Variants in ANKS1B observed in about 807,000 individuals in gnomAD.
ANKS1B encodes ankyrin repeat and sterile alpha motif domain containing 1B.
Under a neutral mutation model 148.3 loss-of-function variants are expected in ANKS1B, and 36 were observed. That is an observed-to-expected ratio of 0.24 (90% CI 0.19 to 0.32). The LOEUF (loss-of-function observed/expected upper bound fraction) is 0.32, where lower values mean the gene tolerates loss of function less well. ANKS1B is among the 10% of genes least tolerant of loss of function. The probability of loss-of-function intolerance (pLI) is 1.00; values close to 1 mark genes in which losing one functional copy is unlikely to be tolerated. For missense variants in ANKS1B, 1,157 were observed against 1,542.6 expected (o/e 0.75, Z 4.19); for synonymous variants, 542 against 560.8 (o/e 0.97, Z 0.47).
At chr12:99,305,911 T>C (rs765055891) in intron 12 of ANKS1B, among the ~76,000 whole-genome samples, 1 of 152,158 alleles carries the variant, frequency 6.6e-6, no homozygotes, top group Non-Finnish European at 1.5e-5. Flanking sequence ...CCTACATAAA[T>C]GGTAAAATGT....
intron 9 of ANKS1B, among the ~76,000 whole-genome samples, chr12:99,607,812 A>T (rs1382545438): frequency 6.6e-6 from 1 of 152,086 alleles, no homozygotes; most frequent in African/African-American, 2.4e-5. Flanking sequence ...AGGATAGGAA[A>T]TTTACATCTC....
chr12:99,635,020 C>G (rs1209624185), intron 9 of ANKS1B, among the ~76,000 whole-genome samples: 2 of 152,136 alleles, frequency 1.3e-5, no homozygotes, highest in Non-Finnish European at 2.9e-5. Flanking sequence ...TGCCCAACAT[C>G]ACTAATCATT....
intron 17 of ANKS1B, among the ~76,000 whole-genome samples, chr12:98,986,877 C>T (rs756119621): frequency 6.6e-5 from 10 of 152,090 alleles, no homozygotes; most frequent in Non-Finnish European, 1.0e-4. Flanking sequence ...CCTTGGCCTC[C>T]GAAAGTGCTT....
intron 9 of ANKS1B, among the ~76,000 whole-genome samples, chr12:99,595,877 A>G (rs902316444): frequency 6.6e-6 from 1 of 151,940 alleles, no homozygotes. Context: ...CCAACTTTTG[A>G]AATTACAACC....
chr12:99,234,390 A>G (rs1426571037), intron 14 of ANKS1B, among the ~76,000 whole-genome samples: 3 of 152,084 alleles, frequency 2.0e-5, no homozygotes, highest in Non-Finnish European at 4.4e-5. Context: ...TCTGGTACCA[A>G]TTGACTGGTG....
chr12:99,481,085 G>T (rs942473855), intron 10 of ANKS1B, among the ~76,000 whole-genome samples: 1 of 151,388 alleles, frequency 6.6e-6, no homozygotes, highest in Non-Finnish European at 1.5e-5. Flanking sequence ...TTACACGCAT[G>T]AATTATATAG....
chr12:99,795,387 A>ATC (rs772720836), intron 4 of ANKS1B, among the ~76,000 whole-genome samples: 3 of 152,092 alleles, frequency 2.0e-5, no homozygotes, highest in South Asian at 2.1e-4. Flanking sequence ...GAGAAAAAAA[A>ATC]TCTATCAACC....
At chr12:99,075,299 C>T (rs1394217684) in intron 16 of ANKS1B, among the ~76,000 whole-genome samples, 4 of 152,120 alleles carry the variant, frequency 2.6e-5, no homozygotes, top group Non-Finnish European at 5.9e-5. Context: ...TCCTCTCTAC[C>T]CTGCTGTCAT....
chr12:99,760,221 A>T (rs1454084340), intron 8 of ANKS1B, among the ~76,000 whole-genome samples: 1 of 151,854 alleles, frequency 6.6e-6, no homozygotes, highest in Non-Finnish European at 1.5e-5. Flanking sequence ...GATGTCATCA[A>T]CCACCAAATA....
At chr12:99,827,730 AG>A (rs1279220351) in intron 1 of ANKS1B, among the ~76,000 whole-genome samples, 1 of 152,216 alleles carries the variant, frequency 6.6e-6, no homozygotes, top group African/African-American at 2.4e-5. Flanking sequence ...ATCTTTAAAA[AG>A]GCTTCACAAA....
chr12:98,894,807 C>A (rs1470118639), intron 17 of ANKS1B: 32 of 984,044 alleles, frequency 3.3e-5, no homozygotes, highest in Non-Finnish European at 3.9e-5. Context: ...CGAGGAAGGG[C>A]GGGAGAGGCG....
chr12:99,092,241 G>A (rs2153649641), intron 15 of ANKS1B, among the ~76,000 whole-genome samples: 1 of 152,244 alleles, frequency 6.6e-6, no homozygotes, highest in East Asian at 1.9e-4. Context: ...CCCCAGAGAG[G>A]TAGGGAGGAT....
At chr12:99,801,388 G>A (rs561083200) in intron 4 of ANKS1B, among the ~76,000 whole-genome samples, 1 of 152,278 alleles carries the variant, frequency 6.6e-6, no homozygotes, top group East Asian at 1.9e-4. Context: ...GAAAACGGTG[G>A]TTCAAAGAAG....
chr12:99,327,326 T>TAATTATATATTATAATTAC (rs2086615196), intron 12 of ANKS1B, among the ~76,000 whole-genome samples: 1 of 106,188 alleles, frequency 9.4e-6, no homozygotes, highest in African/African-American at 5.9e-5. Flanking sequence ...AATTACATAT[T>TAATTATATATTATAATTAC]ATATATAATT....
chr12:99,543,117 C>T (rs758016364), intron 9 of ANKS1B, among the ~76,000 whole-genome samples: 11 of 151,952 alleles, frequency 7.2e-5, no homozygotes, highest in Non-Finnish European at 1.3e-4. Context: ...ATATGAAGAA[C>T]TCATAATTAA....
Position 99,941,934 on chromosome 12 carries a change from GAC to G in ANKS1B, c.134+42168_134+42169del, listed in dbSNP as rs2094930083. Among the ~76,000 whole-genome samples the G allele has an allele frequency of 2.6e-5, 4 of 152,252 alleles. No homozygotes were observed. In the South Asian group the frequency reaches 8.3e-4, roughly 32 times the overall value. On this transcript the variant is annotated intron_variant, in intron 1 of 26. Transcript: ENST00000683438. ...AGGGAGGACGGTATGGACAGATTCT[GAC>G]ACACTGTCTTTGTGTGGAATACGCA...
chr12:99,768,034 A>C (rs1218569601), intron 8 of ANKS1B, among the ~76,000 whole-genome samples: 1 of 152,176 alleles, frequency 6.6e-6, no homozygotes, highest in East Asian at 1.9e-4. Context: ...AGACAACAAA[A>C]GCTAAACTGA....
intron 17 of ANKS1B, among the ~76,000 whole-genome samples, chr12:98,960,589 C>T (rs1318707684): frequency 6.6e-6 from 1 of 152,110 alleles, no homozygotes; most frequent in Non-Finnish European, 1.5e-5. Flanking sequence ...CTCTTCAATG[C>T]CCAGATACTG....
intron 14 of ANKS1B, among the ~76,000 whole-genome samples, chr12:99,221,748 T>C (rs1326946918): frequency 6.6e-6 from 1 of 152,188 alleles, no homozygotes; most frequent in Admixed American, 6.5e-5. Context: ...TCATTGTAAC[T>C]GCTAAGGAGG....
Sources: allele counts gnomAD v4.1 joint callset (sites outside exome capture counted in the v4.1 genomes callset), GRCh38; gene constraint gnomAD v4.1.1; transcripts MANE v1.5; gene names NCBI Gene and HGNC (gene_info 2026-07-23, HGNC 2026-07-21).